SHROOM3: variants seen among roughly 807,000 people sequenced by gnomAD.
SHROOM3 encodes the protein shroom family member 3, also known as protein Shroom3.
SHROOM3 carries 47 observed loss-of-function variants against 138.6 expected under a neutral mutation model. The observed-to-expected ratio is 0.34, with a 90% CI of 0.27 to 0.43. The LOEUF (loss-of-function observed/expected upper bound fraction) is 0.43, where lower values mean the gene tolerates loss of function less well. SHROOM3 is among the 20% of genes least tolerant of loss of function. The pLI, the probability that SHROOM3 is intolerant of heterozygous loss-of-function variation, is 1.00. For missense variants in SHROOM3, 2,491 were observed against 2,596.5 expected (o/e 0.96, Z 0.88); for synonymous variants, 1,062 against 1,063.3 (o/e 1.00, Z 0.02).
chr4:76,718,053 G>C (rs949621527), intron 3 of SHROOM3, among the ~76,000 whole-genome samples: 1 of 152,148 alleles, frequency 6.6e-6, no homozygotes, highest in Non-Finnish European at 1.5e-5. Context: ...TGCAACAGTC[G>C]TGGTAATGTT....
intron 4 of SHROOM3, 97 bp from the exon 5 acceptor site, chr4:76,738,664 T>G (rs1209790531): frequency 9.6e-6 from 14 of 1,456,594 alleles, no homozygotes; most frequent in Non-Finnish European, 1.3e-5. Flanking sequence ...ACACCAAACC[T>G]CTTGCACAAG....
chr4:76,467,014 A>G (rs967599712), intron 1 of SHROOM3, among the ~76,000 whole-genome samples: 2 of 147,846 alleles, frequency 1.4e-5, no homozygotes, highest in African/African-American at 5.0e-5. Context: ...TTTTATATAT[A>G]TTATCTTGGC....
intron 2 of SHROOM3, among the ~76,000 whole-genome samples, chr4:76,594,043 T>G (rs948402349): frequency 6.6e-6 from 1 of 152,218 alleles, no homozygotes; most frequent in Non-Finnish European, 1.5e-5. Flanking sequence ...GCAAAAATGC[T>G]CTCTCTCTTA....
intron 1 of SHROOM3, among the ~76,000 whole-genome samples, chr4:76,451,663 A>G (rs1300990146): frequency 6.6e-6 from 1 of 152,202 alleles, no homozygotes; most frequent in Non-Finnish European, 1.5e-5. Flanking sequence ...CTGTTTCCTT[A>G]AGATCTGCAC....
chr4:76,601,374 G>A (rs1329180852), intron 2 of SHROOM3, among the ~76,000 whole-genome samples: 2 of 152,122 alleles, frequency 1.3e-5, no homozygotes, highest in African/African-American at 4.8e-5. Flanking sequence ...GGCCCCAATT[G>A]TCAGTAATGC....
In SHROOM3 at chr4:76,710,151, G is replaced by A. The variant is rs1191491680; in HGVS notation, c.324-5G>A. ...CTCAGCTTCTTCTTTTCCTATTGTT[G>A]ACAGAGATGTGTGCACAGACCCAGG... On this transcript the variant is annotated splice_region_variant and splice_polypyrimidine_tract_variant and intron_variant, in intron 2 of 10. Transcript: ENST00000296043. The A allele has an allele frequency of 6.2e-7, 1 of 1,613,914 alleles. No individual in the cohort carries two copies. The highest frequency in any genetic ancestry group is 8.5e-7 in the Non-Finnish European group (1 of 1,179,956).
chr4:76,724,051 A>C (rs1191180317), intron 3 of SHROOM3, among the ~76,000 whole-genome samples: 1 of 152,226 alleles, frequency 6.6e-6, no homozygotes, highest in Non-Finnish European at 1.5e-5. Flanking sequence ...ATTTCTCAGA[A>C]ACTTGTTTTG....
intron 9 of SHROOM3, among the ~76,000 whole-genome samples, chr4:76,767,377 C>G (rs1488209474): frequency 6.6e-6 from 1 of 152,176 alleles, no homozygotes; most frequent in East Asian, 1.9e-4. Context: ...TCACACATGT[C>G]CTTTAAAATA....
At position 76,740,736 on chromosome 4, in the gene SHROOM3, T is replaced by G. The variant is rs1213172661; in HGVS notation, c.2563T>G (p.Leu855Val). ...GCACTTCAAAAACGGGGAGCTGAAG[T>G]TGGAAGAGGCTTCCCGGCAGCCCTG... ...EQHFKNGELK[L>V]EEASRQPCGQ... Residue 855 changes from leucine (L) to valine (V), a missense_variant, in exon 5 of 11, where the codon TTG becomes GTG. By Grantham distance (32) the Leu-to-Val change is conservative. Coordinates refer to ENST00000296043, the MANE Select transcript of SHROOM3 (RefSeq NM_020859.4). This position sits in a 1 kb window ranked among gnomAD's most constrained non-coding sequence, Gnocchi z 4.0. The G allele has an allele frequency of 6.2e-7, 1 of 1,613,356 alleles. No homozygotes were observed. Among genetic ancestry groups the G allele is most frequent in the Non-Finnish European group, 8.5e-7 (1 of 1,179,996 alleles).
At chr4:76,551,833 T>G (rs954507308) in intron 1 of SHROOM3, among the ~76,000 whole-genome samples, 2 of 151,998 alleles carry the variant, frequency 1.3e-5, no homozygotes, top group African/African-American at 4.8e-5. Context: ...GTCCACTTGA[T>G]TATCTGAAAA....
chr4:76,587,617 C>T (rs1308231394), intron 2 of SHROOM3, among the ~76,000 whole-genome samples: 2 of 151,996 alleles, frequency 1.3e-5, no homozygotes, highest in Non-Finnish European at 2.9e-5. Context: ...CAGCAGTTAG[C>T]TAAAGTGTCT....
At chr4:76,726,306 G>A (rs542620779) in intron 3 of SHROOM3, among the ~76,000 whole-genome samples, 49 of 152,038 alleles carry the variant, frequency 3.2e-4, no homozygotes, top group African/African-American at 1.1e-3. Context: ...ATCATTCTCA[G>A]AGACTCATCC....
At chr4:76,592,938 C>T (rs1408861842) in intron 2 of SHROOM3, among the ~76,000 whole-genome samples, 1 of 152,128 alleles carries the variant, frequency 6.6e-6, no homozygotes, top group Non-Finnish European at 1.5e-5. Flanking sequence ...TTCAGTGACC[C>T]TTTCTTAAAA....
chr4:76,574,928 A>G (rs1267770442), intron 2 of SHROOM3, among the ~76,000 whole-genome samples: 2 of 152,200 alleles, frequency 1.3e-5, no homozygotes, highest in African/African-American at 4.8e-5. Context: ...ACTTAATGCC[A>G]CTGAAGTGCA....
intron 1 of SHROOM3, among the ~76,000 whole-genome samples, chr4:76,491,375 G>A (rs1225929002): frequency 1.3e-5 from 2 of 152,328 alleles, no homozygotes; most frequent in East Asian, 3.9e-4. Flanking sequence ...TGGTTAGTGG[G>A]AAATGTGGCA....
chr4:76,601,644 A>G (rs1415461433), intron 2 of SHROOM3, among the ~76,000 whole-genome samples: 1 of 151,842 alleles, frequency 6.6e-6, no homozygotes, highest in East Asian at 1.9e-4. Flanking sequence ...AGCCGGGACT[A>G]CAGGTGCGCC....
intron 10 of SHROOM3, among the ~76,000 whole-genome samples, chr4:76,777,337 G>A (rs1034674668): frequency 6.6e-6 from 1 of 152,130 alleles, no homozygotes; most frequent in Non-Finnish European, 1.5e-5. Context: ...ATATTCCTAA[G>A]TATTTTATTT....
At chr4:76,596,765 T>C (rs1449485567) in intron 2 of SHROOM3, among the ~76,000 whole-genome samples, 3 of 152,194 alleles carry the variant, frequency 2.0e-5, no homozygotes, top group African/African-American at 7.2e-5. Context: ...CTGTGTCATT[T>C]GCAACAACAA....
chr4:76,613,163 C>G (rs1734799641), intron 2 of SHROOM3, among the ~76,000 whole-genome samples: 2 of 152,160 alleles, frequency 1.3e-5, no homozygotes, highest in South Asian at 4.1e-4. Flanking sequence ...CGTTCCTCCT[C>G]AAATATCCCT....
Sources: allele counts gnomAD v4.1 joint callset (sites outside exome capture counted in the v4.1 genomes callset), GRCh38; gene constraint gnomAD v4.1.1; non-coding constraint Gnocchi (gnomAD v3.1); transcripts MANE v1.5; gene names NCBI Gene and HGNC (gene_info 2026-07-23, HGNC 2026-07-21).